The following MORC1 variants were observed in gnomAD, a reference collection of about 807,000 sequenced individuals.
MORC1 encodes MORC family CW-type zinc finger 1.
MORC1 carries 59 observed loss-of-function variants against 134.9 expected under a neutral mutation model. That is an observed-to-expected ratio of 0.44 (90% CI 0.35 to 0.54). The LOEUF (loss-of-function observed/expected upper bound fraction) is 0.54. MORC1 is among the 20% of genes least tolerant of loss of function. The pLI is 0.00. For synonymous variants in MORC1, 395 were observed against 391.7 expected (o/e 1.01, Z -0.10); for missense variants, 947 against 1,134.5 (o/e 0.83, Z 2.37).
chr3:108,992,648 G>A (rs1948095189), intron 21 of MORC1, among the ~76,000 whole-genome samples: 1 of 152,166 alleles, frequency 6.6e-6, no homozygotes, highest in African/African-American at 2.4e-5. Context: ...TTGGAAAATG[G>A]AGGAAATGAT....
Position 109,090,641 on chromosome 3 carries a change from A to C in MORC1, c.689+2795T>G, listed in dbSNP as rs190434235. ...GTCTCAAAAAAAAAAAAAAAAAAAAAACACGATGTCAAATGTTCACAAGGA... is the reference window on the plus strand; with the variant it reads ...GTCTCAAAAAAAAAAAAAAAAAAAACACACGATGTCAAATGTTCACAAGGA... On this transcript the variant is annotated intron_variant, in intron 8 of 27. Transcript: ENST00000232603. Among the ~76,000 whole-genome samples, 258 of 151,252 alleles carry C rather than the reference A, an allele frequency of 1.7e-3. 1 individual carries two copies. The highest frequency in any genetic ancestry group is 3.0e-3 in the Non-Finnish European group (202 of 67,760).
chr3:109,037,377 T>G (rs1163670730), intron 14 of MORC1, among the ~76,000 whole-genome samples: 2 of 152,216 alleles, frequency 1.3e-5, no homozygotes, highest in East Asian at 3.9e-4. Context: ...CAGCTCCTGA[T>G]GTACTACTCC....
intron 8 of MORC1, among the ~76,000 whole-genome samples, chr3:109,079,883 T>C (rs1950491650): frequency 6.6e-6 from 1 of 152,054 alleles, no homozygotes; most frequent in African/African-American, 2.4e-5. Context: ...AGAAGAGTCA[T>C]AAAATACCCA....
At chr3:108,994,831 G>C (rs892109813) in intron 21 of MORC1, among the ~76,000 whole-genome samples, 1 of 151,864 alleles carries the variant, frequency 6.6e-6, no homozygotes, top group African/African-American at 2.4e-5. Flanking sequence ...TGCTTTCCTG[G>C]CCATCTATTG....
intron 13 of MORC1, among the ~76,000 whole-genome samples, chr3:109,056,411 T>C (rs1486964928): frequency 6.6e-6 from 1 of 152,076 alleles, no homozygotes; most frequent in Non-Finnish European, 1.5e-5. Flanking sequence ...GTATTTCTAG[T>C]AGAGACGGGG....
intron 14 of MORC1, among the ~76,000 whole-genome samples, chr3:109,053,255 C>A (rs1576683222): frequency 6.6e-6 from 1 of 152,142 alleles, no homozygotes; most frequent in East Asian, 1.9e-4. Flanking sequence ...TTCAACCCAG[C>A]AATCCTATTA....
At chr3:109,022,690 C>T (rs564472269) in intron 17 of MORC1, among the ~76,000 whole-genome samples, 133 of 152,308 alleles carry the variant, frequency 8.7e-4, no homozygotes, top group African/African-American at 3.1e-3. Context: ...AGTTGGTCAG[C>T]CTAACCTATG....
intron 14 of MORC1, 88 bp downstream of exon 14, chr3:109,054,640 C>A (rs1011849685): frequency 9.1e-5 from 111 of 1,220,580 alleles, no homozygotes; most frequent in Non-Finnish European, 1.1e-4. Context: ...TGCTGGTAAT[C>A]TGAATTCAGA....
chr3:109,046,999 G>A (rs1040593493), intron 14 of MORC1, among the ~76,000 whole-genome samples: 5 of 151,970 alleles, frequency 3.3e-5, no homozygotes, highest in Non-Finnish European at 5.9e-5. Context: ...GATTTTCAAA[G>A]ACATTCCTTA....
intron 8 of MORC1, among the ~76,000 whole-genome samples, chr3:109,073,652 C>A (rs1950365850): frequency 6.6e-6 from 1 of 152,092 alleles, no homozygotes; most frequent in Admixed American, 6.5e-5. Context: ...ACATTAGGTC[C>A]CTTTTGCAAT....
chr3:109,051,505 T>G (rs1039579041), intron 14 of MORC1, among the ~76,000 whole-genome samples: 16 of 152,156 alleles, frequency 1.1e-4, no homozygotes, highest in Non-Finnish European at 1.9e-4. Context: ...ATTACTTGAT[T>G]TAGTTTGATA....
intron 8 of MORC1, among the ~76,000 whole-genome samples, chr3:109,080,791 G>A (rs991399541): frequency 9.9e-5 from 15 of 152,034 alleles, no homozygotes; most frequent in Non-Finnish European, 1.5e-4. Context: ...CTTGGTATTT[G>A]CCCTTCTAAA....
intron 21 of MORC1, among the ~76,000 whole-genome samples, chr3:108,993,104 T>G (rs1258550509): frequency 6.6e-6 from 1 of 152,156 alleles, no homozygotes; most frequent in Non-Finnish European, 1.5e-5. Flanking sequence ...TGAGCCTGGG[T>G]CAGCCTGTCA....
chr3:109,049,114 T>C, intron 14 of MORC1: 1 of 979,902 alleles, frequency 1.0e-6, no homozygotes, highest in East Asian at 1.1e-4. Context: ...CCTTTTAATA[T>C]TTGCTTCATC....
At chr3:109,053,445 T>A (rs1949877295) in intron 14 of MORC1, among the ~76,000 whole-genome samples, 1 of 151,548 alleles carries the variant, frequency 6.6e-6, no homozygotes, top group Non-Finnish European at 1.5e-5. Flanking sequence ...TACACAGCCA[T>A]AAAAAAGAAT....
chr3:109,099,712 A>T (rs769573642), intron 5 of MORC1, among the ~76,000 whole-genome samples: 6 of 152,110 alleles, frequency 3.9e-5, no homozygotes, highest in Non-Finnish European at 8.8e-5. Flanking sequence ...GGCTCAAAAG[A>T]ACAATCATCT....
chr3:109,017,858 C>A (rs887473190), intron 17 of MORC1, among the ~76,000 whole-genome samples: 3 of 152,184 alleles, frequency 2.0e-5, no homozygotes, highest in Admixed American at 1.3e-4. Context: ...TAACTTCTCC[C>A]AGCAAGACTA....
Position 109,118,051 on chromosome 3 carries a change from G to A in MORC1, c.9C>T (p.Asp3=), listed in dbSNP as rs1165611894. The change falls in exon 1 of 28, where the codon GAC becomes GAT. Residue 3 remains aspartate, a synonymous_variant. Coordinates refer to ENST00000232603, the MANE Select transcript of MORC1 (RefSeq NM_014429.4). MD[D]RYPALQRAQL... is the part of the protein sequence containing the mutation. ...GGGCCCGCTGAAGCGCAGGGTACCT[G>A]TCGTCCATGCCCTCGAACACGACCC... The A allele has an allele frequency of 6.2e-7, 1 of 1,609,188 alleles. No individual in the cohort carries two copies. Among genetic ancestry groups the A allele is most frequent in the South Asian group, 1.1e-5 (1 of 89,774 alleles).
chr3:108,998,626 G>A (rs1346155076), intron 21 of MORC1, among the ~76,000 whole-genome samples: 1 of 152,092 alleles, frequency 6.6e-6, no homozygotes, highest in Non-Finnish European at 1.5e-5. Context: ...AGGAGCACGG[G>A]GGATGGGATG....
Sources: gnomAD v4.1 joint callset for allele counts (sites outside exome capture counted in the v4.1 genomes callset) on GRCh38, gnomAD v4.1.1 for gene constraint, MANE v1.5 for transcripts, NCBI Gene and HGNC (gene_info 2026-07-23, HGNC 2026-07-21) for gene names.